CEP83: variants seen among roughly 807,000 people sequenced by gnomAD.
CEP83 encodes the protein centrosomal protein 83.
Under a neutral mutation model 101.9 loss-of-function variants are expected in CEP83, and 70 were observed. The ratio of observed to expected loss-of-function variants is 0.69; its 90% CI spans 0.57 to 0.84. CEP83 has a LOEUF of 0.84. CEP83 is among the 40% of genes least tolerant of loss of function. The pLI, the probability that CEP83 is intolerant of heterozygous loss-of-function variation, is 0.00. For synonymous variants in CEP83, 264 were observed against 267.9 expected, an observed-to-expected ratio of 0.99 and a Z score of 0.14; for missense variants, 715 against 787.2, an observed-to-expected ratio of 0.91 and a Z score of 1.10.
chr12:94,403,479 C>A (rs540191300), intron 4 of CEP83, among the ~76,000 whole-genome samples: 2 of 152,190 alleles, frequency 1.3e-5, no homozygotes, highest in African/African-American at 4.8e-5. Flanking sequence ...ATTCCATTAA[C>A]ATGAAGTAAA....
chr12:94,424,508 A>C (rs1332823499), intron 2 of CEP83: 1 of 1,613,654 alleles, frequency 6.2e-7, no homozygotes, highest in African/African-American at 1.3e-5. Context: ...GGGCTTCAGC[A>C]TCCCCTCCAG....
the CEP83 span, chr12:94,282,389 T>C: frequency 5.0e-6 from 8 of 1,609,042 alleles, no homozygotes; most frequent in African/African-American, 1.1e-4. Flanking sequence ...TAAACACCAT[T>C]GGCCACTATG....
chr12:94,401,464 G>GA (rs1240729210), intron 5 of CEP83, among the ~76,000 whole-genome samples: 1 of 152,156 alleles, frequency 6.6e-6, no homozygotes, highest in Non-Finnish European at 1.5e-5. Context: ...CCAACCTGAA[G>GA]AATACGTGCA....
At chr12:94,424,110 C>G in intron 2 of CEP83, 2 of 1,606,384 alleles carry the variant, frequency 1.2e-6, no homozygotes, top group East Asian at 4.5e-5. Context: ...TACGAAGACA[C>G]AGGAGAGGAA....
intron 2 of CEP83, among the ~76,000 whole-genome samples, chr12:94,414,324 A>G (rs568039700): frequency 6.6e-6 from 1 of 152,326 alleles, no homozygotes; most frequent in East Asian, 1.9e-4. Context: ...TCATGCTCCA[A>G]AGAAATCTTT....
intron 11 of CEP83, among the ~76,000 whole-genome samples, chr12:94,341,224 C>G (rs1009343013): frequency 6.6e-6 from 1 of 151,564 alleles, no homozygotes; most frequent in Non-Finnish European, 1.5e-5. Flanking sequence ...ACACTTTCAT[C>G]AAAAGAAAAG....
At chr12:94,297,074 A>C in the CEP83 span, 33 of 966,990 alleles carry the variant, frequency 3.4e-5, no homozygotes, top group South Asian at 4.6e-4. Flanking sequence ...TCAAGTCAAA[A>C]AGCTCAAGTA....
At chr12:94,298,947 C>A in the CEP83 span, 1 of 690,910 alleles carries the variant, frequency 1.4e-6, no homozygotes, top group Non-Finnish European at 2.3e-6. Context: ...GTTTCTTATT[C>A]TGTTACTATT....
At chr12:94,320,981 C>T (rs1268162269) in intron 14 of CEP83, among the ~76,000 whole-genome samples, 3 of 152,168 alleles carry the variant, frequency 2.0e-5, no homozygotes, top group African/African-American at 7.2e-5. Flanking sequence ...AAGTTGTTTG[C>T]TTTCTCCCCA....
chr12:94,415,949 G>T (rs1002003017), intron 2 of CEP83, among the ~76,000 whole-genome samples: 3 of 151,644 alleles, frequency 2.0e-5, no homozygotes, highest in African/African-American at 4.8e-5. Context: ...CACATGCCAG[G>T]TATTTAAAAA....
chr12:94,320,481 CT>C lies in CEP83; in HGVS notation c.1708-7465del, dbSNP rs796977226. Among the ~76,000 whole-genome samples the C allele has an allele frequency of 2.7e-3, 389 of 146,696 alleles. 3 individuals carry two copies. Among genetic ancestry groups the C allele is most frequent in the African/African-American group, 9.3e-3 (376 of 40,218 alleles). On this transcript the variant is annotated intron_variant, in intron 14 of 16. Coordinates refer to ENST00000397809, the MANE Select transcript of CEP83 (RefSeq NM_016122.3). ...TGTTTCTGTATTGGCTGGTAACCAT[CT>C]TTTTTTTTTAATGCTCTCTCTCAGC...
At chr12:94,312,179 A>C (rs556965503) in intron 15 of CEP83, among the ~76,000 whole-genome samples, 2 of 152,234 alleles carry the variant, frequency 1.3e-5, no homozygotes, top group Admixed American at 6.5e-5. Context: ...ACTTTGGAAT[A>C]GAGTATTGTA....
the CEP83 span, chr12:94,279,332 A>C: frequency 1.6e-6 from 1 of 634,662 alleles, no homozygotes; most frequent in Non-Finnish European, 2.7e-6. Context: ...GAAAAGATGA[A>C]AGTAGTCTAA....
downstream of CEP83, chr12:94,304,135 T>C: frequency 2.3e-6 from 2 of 879,818 alleles, no homozygotes; most frequent in Non-Finnish European, 1.8e-6. Flanking sequence ...TCAGAACAGC[T>C]CTGGCATCCC....
chr12:94,342,936 C>T (rs972581676), intron 11 of CEP83, among the ~76,000 whole-genome samples: 3 of 151,994 alleles, frequency 2.0e-5, no homozygotes, highest in Non-Finnish European at 2.9e-5. Flanking sequence ...GAGTCACATA[C>T]AGAAACACAG....
In CEP83 at chr12:94,376,030, C is replaced by T. The variant is rs750549933; in HGVS notation, c.802-13G>A. ...ATTGTTTTTCAGCCTTTCATACAAA[C>T]AAAATAGTTTAAAATTCATCATTTT... On this transcript the variant is annotated splice_polypyrimidine_tract_variant and intron_variant, in intron 7 of 16. Transcript: ENST00000397809. The T allele has an allele frequency of 6.7e-7, 1 of 1,494,130 alleles. No individual in the cohort carries two copies. Among genetic ancestry groups the T allele is most frequent in the African/African-American group, 1.4e-5 (1 of 70,798 alleles). 92.6% of individuals were successfully genotyped at this position (1,494,130 alleles called of 1,614,324 possible). A position where few individuals can be genotyped will look rare whatever the true frequency, so the allele number is the denominator to read the frequency against.
chr12:94,335,818 A>C, intron 11 of CEP83, 154 bp from the exon 12 acceptor site: 1 of 607,498 alleles, frequency 1.6e-6, no homozygotes, highest in South Asian at 1.9e-5. Context: ...GTGTTCACGT[A>C]TAACAAAAAT....
At chr12:94,424,507 C>T in intron 2 of CEP83, 1 of 1,613,754 alleles carries the variant, frequency 6.2e-7, no homozygotes, top group South Asian at 1.1e-5. Context: ...AGGGCTTCAG[C>T]ATCCCCTCCA....
At position 94,333,487 on chromosome 12, in the gene CEP83, A is replaced by C. The variant is rs770669542; in HGVS notation, c.1572T>G (p.Ala524=). 3 of 1,612,272 alleles carry C rather than the reference A, an allele frequency of 1.9e-6. No homozygotes were observed. Among genetic ancestry groups the C allele is most frequent in the Admixed American group, 3.4e-5 (2 of 59,656 alleles). ...RSQAEKAQLE[A]EKTLEEKQIQ... is the part of the protein sequence containing the mutation. ...ACATAAAGAGCAAACTCTACTTTTC[A>C]GCTTCTAGTTGCGCTTTTTCAGCTT... The change falls in exon 13 of 17, where the codon GCT becomes GCG. Residue 524 remains alanine (A), a synonymous_variant. Transcript: ENST00000397809.
Sources: allele counts gnomAD v4.1 joint callset (sites outside exome capture counted in the v4.1 genomes callset), GRCh38; gene constraint gnomAD v4.1.1; transcripts MANE v1.5; gene names NCBI Gene and HGNC (gene_info 2026-07-23, HGNC 2026-07-21).